The following REV3L variants were observed in gnomAD, a reference collection of about 807,000 sequenced individuals.
The protein encoded by REV3L is REV3 like, DNA directed polymerase zeta catalytic subunit.
In REV3L, 69 loss-of-function variants were observed where a neutral mutation model predicts 299.4. The observed-to-expected ratio is 0.23, with a 90% CI of 0.19 to 0.28. The LOEUF is 0.28. Ranked by LOEUF, REV3L falls within the 10% of genes least tolerant of loss-of-function variation. The pLI is 1.00. For missense variants in REV3L, 3,128 were observed against 3,693.8 expected, an observed-to-expected ratio of 0.85 and a Z score of 3.97; for synonymous variants, 1,238 against 1,271.4, an observed-to-expected ratio of 0.97 and a Z score of 0.56.
intron 1 of REV3L, among the ~76,000 whole-genome samples, chr6:111,469,138 G>A (rs1016368237): frequency 2.0e-5 from 3 of 151,992 alleles, no homozygotes; most frequent in Non-Finnish European, 4.4e-5. Context: ...CTCCAGCCTG[G>A]GCAACAGAGC....
intron 1 of REV3L, among the ~76,000 whole-genome samples, chr6:111,449,279 T>C (rs934663531): frequency 2.0e-5 from 3 of 152,132 alleles, no homozygotes; most frequent in African/African-American, 7.2e-5. Flanking sequence ...CTTAACAGCT[T>C]CCACGGAGCA....
At chr6:111,422,354 C>T (rs1785455236) in intron 1 of REV3L, among the ~76,000 whole-genome samples, 1 of 151,526 alleles carries the variant, frequency 6.6e-6, no homozygotes, top group Admixed American at 6.6e-5. Context: ...CAATAGACAC[C>T]CTACAACCCT....
rs1262579598 is a variant in REV3L at position 111,376,331 on chromosome 6, C to T, written c.2024G>A (p.Ser675Asn). The change falls in exon 13 of 32, where the codon AGT becomes AAT. Residue 675 changes from serine to asparagine, a missense_variant. By Grantham distance (46) the Ser-to-Asn change is conservative. This residue lies in a region of REV3L where 2,409 missense variants were observed against 2,611.8 expected (regional missense o/e 0.92). Coordinates refer to ENST00000368802, the MANE Select transcript of REV3L (RefSeq NM_001372078.1). The part of the protein sequence containing the change: ...DIPSVTRQVP[S>N]RKYTNIRKIE... Reference sequence around the variant, plus strand: ...TTTTCTAATGTTTGTATATTTTCTACTTGGTACTTGTCTTGTAACAGATGG... The same window carrying T: ...TTTTCTAATGTTTGTATATTTTCTATTTGGTACTTGTCTTGTAACAGATGG... 1 of 1,613,016 alleles carries T rather than the reference C, an allele frequency of 6.2e-7. No individual in the cohort carries two copies. The highest frequency in any genetic ancestry group is 1.7e-5 in the Admixed American group (1 of 59,878).
chr6:111,443,521 A>G (rs1043016028), intron 1 of REV3L, among the ~76,000 whole-genome samples: 1 of 152,178 alleles, frequency 6.6e-6, no homozygotes, highest in Non-Finnish European at 1.5e-5. Context: ...TTGCAGATCA[A>G]TCTGATTGTT....
At chr6:111,452,506 AC>A (rs1247943877) in intron 1 of REV3L, among the ~76,000 whole-genome samples, 8 of 152,364 alleles carry the variant, frequency 5.3e-5, no homozygotes, top group South Asian at 4.1e-4. Context: ...TTAAAAAAAA[AC>A]ATTAACTCAT....
At chr6:111,390,291 A>G in intron 5 of REV3L, 111 bp from the exon 6 acceptor site, 1 of 654,246 alleles carries the variant, frequency 1.5e-6, no homozygotes, top group Non-Finnish European at 2.7e-6. Context: ...AAAACCTGAT[A>G]TATTAATTCA....
intron 31 of REV3L, among the ~76,000 whole-genome samples, chr6:111,306,511 C>A (rs1376613557): frequency 6.6e-6 from 1 of 152,142 alleles, no homozygotes; most frequent in Non-Finnish European, 1.5e-5. Context: ...CATTCTTCAA[C>A]TTACTTTGAG....
In REV3L at chr6:111,373,101, TTA is replaced by T; in HGVS notation, c.5252_5253del (p.Leu1751HisfsTer5). ...HNQWKNSFHP[L>X]TTRSNSIMDS... ...TCCATTATTGAGTTAGACCGAGTTG[TTA>T]GAGGATGAAAGCTATTTTTCCACTG... On this transcript the variant is annotated frameshift_variant, in exon 13 of 32. Transcript: ENST00000368802. LOFTEE classifies it high-confidence loss of function. 2.5e-6 allele frequency: 4 copies of T among 1,614,124 alleles called. No homozygotes were observed. The highest frequency in any genetic ancestry group is 3.4e-6 in the Non-Finnish European group (4 of 1,179,994).
intron 1 of REV3L, among the ~76,000 whole-genome samples, chr6:111,468,605 T>C (rs1166658074): frequency 6.6e-6 from 1 of 152,188 alleles, no homozygotes; most frequent in Non-Finnish European, 1.5e-5. Context: ...AGATTGGCAA[T>C]GATCAAAACA....
intron 18 of REV3L, among the ~76,000 whole-genome samples, chr6:111,353,255 T>A (rs1777761700): frequency 6.6e-6 from 1 of 152,208 alleles, no homozygotes; most frequent in Admixed American, 6.5e-5. Flanking sequence ...CAGATCTGCT[T>A]TTAGAACCAA....
intron 20 of REV3L, 102 bp downstream of exon 20, chr6:111,349,116 G>A (rs1421464465): frequency 9.7e-6 from 6 of 621,072 alleles, no homozygotes; most frequent in South Asian, 2.5e-5. Context: ...ATTGACAAAC[G>A]CATAAGCTAT....
chr6:111,483,415 C>T (rs1466495821), upstream of REV3L: 3 of 428,632 alleles, frequency 7.0e-6, no homozygotes, highest in African/African-American at 2.1e-5. Context: ...CGGCCGGCAG[C>T]GCCCGCGCGG....
At chr6:111,320,719 T>C (rs1774070828) in intron 26 of REV3L, among the ~76,000 whole-genome samples, 1 of 152,152 alleles carries the variant, frequency 6.6e-6, no homozygotes, top group Non-Finnish European at 1.5e-5. Context: ...ATGATCATGG[T>C]TGACTACAGC....
At chr6:111,447,986 T>A (rs1789055240) in intron 1 of REV3L, among the ~76,000 whole-genome samples, 3 of 152,228 alleles carry the variant, frequency 2.0e-5, no homozygotes, top group Non-Finnish European at 4.4e-5. Flanking sequence ...TTTTTTTAAT[T>A]AAAAATTTTA....
chr6:111,402,356 G>A lies in REV3L; in HGVS notation c.565+3114C>T, dbSNP rs188200967. Among the ~76,000 whole-genome samples, 331 of 152,182 alleles carry A rather than the reference G, an allele frequency of 2.2e-3. 1 individual carries two copies. The highest frequency in any genetic ancestry group is 7.5e-3 in the African/African-American group (312 of 41,518). On this transcript the variant is annotated intron_variant, in intron 4 of 31. Coordinates refer to ENST00000368802, the MANE Select transcript of REV3L (RefSeq NM_001372078.1). The stretch of plus-strand genomic sequence containing the variant: ...CATTTGAGGCCCTACCTTAACCTGC[G>A]GAGGGCTCCCACCTGCTGGGCAGGA...
intron 9 of REV3L, 165 bp downstream of exon 9, chr6:111,387,600 C>T: frequency 1.7e-6 from 1 of 598,972 alleles, no homozygotes; most frequent in Non-Finnish European, 2.9e-6. Context: ...ATACTGCTTA[C>T]CTTTAGAGAT....
At position 111,333,240 on chromosome 6, in the gene REV3L, G is replaced by T; in HGVS notation, c.7808C>A (p.Ser2603Tyr). ...QCVPLIMEPE[S>Y]RFYSNSVLVL... ...GAGAACAGAGTTGCTATAGAAGCGGGATTCAGGCTCCATAATTAGAGGAAC... is the reference window on the plus strand; with the variant it reads ...GAGAACAGAGTTGCTATAGAAGCGGTATTCAGGCTCCATAATTAGAGGAAC... Residue 2603 changes from serine to tyrosine, a missense_variant, in exon 23 of 32, where the codon TCC becomes TAC. Physicochemically the swap from Ser to Tyr is moderately radical, Grantham distance 144. This residue lies in a region of REV3L where 149 missense variants were observed against 286.4 expected (regional missense o/e 0.52). Transcript: ENST00000368802. The T allele has an allele frequency of 6.2e-7, 1 of 1,614,120 alleles. No individual in the cohort carries two copies. The highest frequency in any genetic ancestry group is 8.5e-7 in the Non-Finnish European group (1 of 1,180,012).
rs766194077 is a variant in REV3L at position 111,376,493 on chromosome 6, C to T, written c.1862G>A (p.Ser621Asn). ...DNSVTSFTNESTYSMKYPGSL... is the reference protein window; with the variant it reads ...DNSVTSFTNENTYSMKYPGSL... ...TCCAGGGTATTTCATAGAATAAGTG[C>T]TTTCGTTTGTAAAAGAAGTGACTGA... The change falls in exon 13 of 32, where the codon AGC becomes AAC. Residue 621 changes from serine to asparagine, a missense_variant. Around this residue, in one of 9 missense-constraint regions of REV3L, gnomAD observed 2,409 missense variants for 2,611.8 expected, o/e 0.92. Transcript: ENST00000368802. 1.2e-6 allele frequency: 2 copies of T among 1,613,244 alleles called. No individual in the cohort carries two copies. The highest frequency in any genetic ancestry group is 1.3e-5 in the African/African-American group (1 of 74,980).
chr6:111,306,522 ATGTT>A (rs1582431437), intron 31 of REV3L, among the ~76,000 whole-genome samples: 1 of 152,150 alleles, frequency 6.6e-6, no homozygotes, highest in East Asian at 1.9e-4. Flanking sequence ...TTACTTTGAG[ATGTT>A]TGTTGTTTAT....
Sources: gnomAD v4.1 joint callset for allele counts (sites outside exome capture counted in the v4.1 genomes callset) on GRCh38, gnomAD v4.1.1 for gene constraint, gnomAD v4.1.1 regional missense constraint, MANE v1.5 for transcripts, NCBI Gene and HGNC (gene_info 2026-07-23, HGNC 2026-07-21) for gene names.